The following INTS3 variants were observed in gnomAD, a reference collection of about 807,000 sequenced individuals.
INTS3 encodes SOSS complex subunit A.
INTS3 carries 34 observed loss-of-function variants against 146.3 expected under a neutral mutation model. The observed-to-expected ratio is 0.23, with a 90% confidence interval of 0.18 to 0.31. The LOEUF is 0.31. INTS3 is among the 10% of genes least tolerant of loss of function. The pLI, the probability that INTS3 is intolerant of heterozygous loss-of-function variation, is 1.00. For missense variants in INTS3, 757 were observed against 1,304.2 expected, an observed-to-expected ratio of 0.58 and a Z score of 6.46; for synonymous variants, 475 against 494.9, an observed-to-expected ratio of 0.96 and a Z score of 0.53.
At chr1:153,739,208 C>T (rs1368770254) in intron 1 of INTS3, among the ~76,000 whole-genome samples, 1 of 152,114 alleles carries the variant, frequency 6.6e-6, no homozygotes, top group South Asian at 2.1e-4. Context: ...GGACTACAGG[C>T]GTGTGCCACA....
At chr1:153,764,302 G>A (rs1672495480) in intron 18 of INTS3, 81 bp downstream of exon 18, 3 of 889,800 alleles carry the variant, frequency 3.4e-6, no homozygotes, top group Non-Finnish European at 5.6e-6. Flanking sequence ...ACCCCTTACT[G>A]TAGACTTGAG....
In INTS3 at chr1:153,774,337, AG is replaced by A. The variant is rs751245468; in HGVS notation, c.*1068del. 2.0e-5 allele frequency: 3 copies of A among 152,244 alleles called. No homozygotes were observed. The highest frequency in any genetic ancestry group is 4.8e-5 in the African/African-American group (2 of 41,440). 9.4% of individuals were successfully genotyped at this position (152,244 alleles called of 1,614,324 possible). A position where few individuals can be genotyped will look rare whatever the true frequency, so the allele number is the denominator to read the frequency against. On this transcript the variant is annotated 3_prime_UTR_variant, in exon 30 of 30. Transcript: ENST00000318967. ...GAGGCCTGTCCTTACTCATTTCTCA[AG>A]AAACAAGATGCTTCCAAAAGGTCTG...
At position 153,735,284 on chromosome 1, in the gene INTS3, G is replaced by GA. The variant is rs561877575; in HGVS notation, c.151-5367_151-5366insA. Among the ~76,000 whole-genome samples the GA allele has an allele frequency of 4.0e-3, 606 of 152,196 alleles. 8 individuals are homozygous for GA. Among genetic ancestry groups the GA allele is most frequent in the African/African-American group, 0.014 (584 of 41,522 alleles). ...ACCATGCCTGGCCACAGATTGAATAGGTCTAATTTAAGTGAGGCTGTATGC... is the reference window on the plus strand; with the variant it reads ...ACCATGCCTGGCCACAGATTGAATAGAGTCTAATTTAAGTGAGGCTGTATGC... On this transcript the variant is annotated intron_variant, in intron 1 of 29. Transcript: ENST00000318967.
intron 1 of INTS3, among the ~76,000 whole-genome samples, chr1:153,733,843 T>G (rs986696986): frequency 1.3e-5 from 2 of 151,956 alleles, no homozygotes; most frequent in African/African-American, 2.4e-5. Flanking sequence ...AACCTCGTGA[T>G]TCGCCCCCCT....
At chr1:153,767,522 C>A in intron 20 of INTS3, 152 bp from the exon 21 acceptor site, 1 of 645,812 alleles carries the variant, frequency 1.5e-6, no homozygotes, top group Non-Finnish European at 2.4e-6. Context: ...GTTATCAAGC[C>A]CCTGTGGGAG....
rs1672343468 is a variant in INTS3 at position 153,760,483 on chromosome 1, T to TCTCA, written c.1317+93_1317+94insCTCA. The TCTCA allele has an allele frequency of 2.8e-6, 3 of 1,058,012 alleles. No individual in the cohort carries two copies. The South Asian group carries it at 3.9e-5, about 14-fold the overall frequency. The allele number at this position is 1,058,012 out of a possible 1,614,324, so 65.5% of individuals were successfully genotyped here. A position where few individuals can be genotyped will look rare whatever the true frequency, so the allele number is the denominator to read the frequency against. On this transcript the variant is annotated intron_variant, in intron 12 of 29. Transcript: ENST00000318967. ...TCCCAGTGAACGGGTCTTCTCGGTA[T>TCTCA]GCCTTGACTGAGAGCAGAAATGGTC...
chr1:153,752,185 C>G, intron 7 of INTS3, 94 bp from the exon 8 acceptor site: 1 of 1,258,128 alleles, frequency 7.9e-7, no homozygotes, highest in Admixed American at 1.7e-5. Context: ...CCTTCCCTCC[C>G]TAGAACATGT....
chr1:153,746,931 C>T (rs1277713376), intron 3 of INTS3, 26 bp from the exon 4 acceptor site: 1 of 1,518,708 alleles, frequency 6.6e-7, no homozygotes, highest in African/African-American at 1.4e-5. Context: ...AGCTTGCTGG[C>T]TGATCACAAA....
Position 153,768,930 on chromosome 1 carries a change from A to G in INTS3, c.2282A>G (p.Asn761Ser). 1 of 1,614,092 alleles carries G rather than the reference A, an allele frequency of 6.2e-7. No homozygotes were observed. Among genetic ancestry groups the G allele is most frequent in the Non-Finnish European group, 8.5e-7 (1 of 1,179,978 alleles). The change falls in exon 22 of 30, where the codon AAC becomes AGC. Residue 761 changes from asparagine to serine, a missense_variant. Transcript: ENST00000318967. ...DETLRSGELL[N>S]MIVAVIDSAQ... ...ACCTTGAGGAGCGGAGAGCTGCTGA[A>G]CATGATCGTGGCTGTTATTGACTCT... is the stretch of plus-strand genomic sequence containing the variant.
At chr1:153,730,794 C>T (rs1425427132) in intron 1 of INTS3, among the ~76,000 whole-genome samples, 1 of 152,134 alleles carries the variant, frequency 6.6e-6, no homozygotes, top group Non-Finnish European at 1.5e-5. Flanking sequence ...GCTCCCCCTT[C>T]TTTGCCCTTT....
chr1:153,760,231 TCAAA>T (rs1672325759), intron 11 of INTS3, 76 bp from the exon 12 acceptor site: 10 of 721,936 alleles, frequency 1.4e-5, no homozygotes, highest in South Asian at 5.4e-5. Flanking sequence ...AGACTCTGTT[TCAAA>T]AAAAAAAAAA....
chr1:153,748,783 C>A, intron 6 of INTS3, 28 bp downstream of exon 6: 13 of 1,578,698 alleles, frequency 8.2e-6, no homozygotes, highest in Non-Finnish European at 1.1e-5. Context: ...GGGTGGGGTA[C>A]AGGCCAGATA....
chr1:153,767,966 C>A, intron 21 of INTS3, 139 bp downstream of exon 21: 1 of 736,944 alleles, frequency 1.4e-6, no homozygotes, highest in Non-Finnish European at 2.1e-6. Context: ...ACACTCACAG[C>A]TGTCCCCTCC....
Position 153,764,141 on chromosome 1 carries a change from G to A in INTS3, c.1845G>A (p.Leu615=). 6.2e-7 allele frequency: 1 copy of A among 1,614,028 alleles called. No homozygotes were observed. Among genetic ancestry groups the A allele is most frequent in the South Asian group, 1.1e-5 (1 of 91,086 alleles). ...VLEEDFDSEQ[L]SVLASCLQEL... ...AGGAAGACTTTGACTCGGAGCAGCT[G>A]TCTGTCCTTGCTTCCTGCCTACAGG... The change falls in exon 18 of 30, where the codon CTG becomes CTA. Residue 615 remains leucine (L), a synonymous_variant. Transcript: ENST00000318967.
intron 7 of INTS3, chr1:153,751,937 T>G: frequency 3.4e-6 from 1 of 295,872 alleles, no homozygotes; most frequent in Non-Finnish European, 6.3e-6. Context: ...GAGGTTAGGG[T>G]TTCTGGGGCT....
At chr1:153,766,020 T>C (rs1206350199) in intron 20 of INTS3, among the ~76,000 whole-genome samples, 2 of 152,118 alleles carry the variant, frequency 1.3e-5, no homozygotes, top group Non-Finnish European at 2.9e-5. Context: ...TGGCAACCAC[T>C]GATCTGCTTT....
intron 1 of INTS3, among the ~76,000 whole-genome samples, chr1:153,732,001 G>A (rs1466354795): frequency 8.7e-5 from 12 of 138,116 alleles, no homozygotes; most frequent in Admixed American, 1.6e-4. Flanking sequence ...TCTGCCTCCC[G>A]GGTTCAAGCG....
At chr1:153,765,672 C>T (rs1672552998) in intron 20 of INTS3, among the ~76,000 whole-genome samples, 1 of 152,040 alleles carries the variant, frequency 6.6e-6, no homozygotes, top group Non-Finnish European at 1.5e-5. Flanking sequence ...CGGGTTCAAG[C>T]AATTCTCCCA....
At chr1:153,740,966 G>T (rs541759663) in intron 2 of INTS3, among the ~76,000 whole-genome samples, 3 of 152,268 alleles carry the variant, frequency 2.0e-5, no homozygotes, top group African/African-American at 7.2e-5. Context: ...GTCTCGCTAT[G>T]TTGCCCAGGC....
Sources: gnomAD v4.1 joint callset for allele counts (sites outside exome capture counted in the v4.1 genomes callset) on GRCh38, gnomAD v4.1.1 for gene constraint, MANE v1.5 for transcripts, NCBI Gene and HGNC (gene_info 2026-07-23, HGNC 2026-07-21) for gene names.